SUV39H2: variants seen among roughly 807,000 people sequenced by gnomAD.
The protein encoded by SUV39H2 is histone-lysine N-methyltransferase SUV39H2.
SUV39H2 carries 10 observed loss-of-function variants against 47.5 expected under a neutral mutation model. That is an observed-to-expected ratio of 0.21 (90% CI 0.13 to 0.36). The LOEUF is 0.36. Among genes scored for constraint, SUV39H2 ranks in the 10% least tolerant of loss-of-function variants. The pLI is 1.00. For missense variants in SUV39H2, 266 were observed against 487.4 expected (o/e 0.55, Z 4.28); for synonymous variants, 159 against 166.8 (o/e 0.95, Z 0.36).
chr10:14,882,535 C>G lies in SUV39H2; in HGVS notation c.177+890C>G, dbSNP rs140015879. Among the ~76,000 whole-genome samples the G allele has an allele frequency of 6.6e-3, 1,003 of 152,310 alleles. 5 individuals carry two copies. The highest frequency in any genetic ancestry group is 8.7e-3 in the Non-Finnish European group (590 of 68,018). On this transcript the variant is annotated intron_variant, in intron 2 of 5. Transcript: ENST00000354919. ...TCTCAGTTTACAAGCTATGGACTGACCAGTCCAGCTGAGAATATTATACAA... is the reference window on the plus strand; with the variant it reads ...TCTCAGTTTACAAGCTATGGACTGAGCAGTCCAGCTGAGAATATTATACAA...
At chr10:14,896,471 C>A (rs1197863282) in intron 2 of SUV39H2, among the ~76,000 whole-genome samples, 1 of 152,120 alleles carries the variant, frequency 6.6e-6, no homozygotes, top group East Asian at 1.9e-4. Flanking sequence ...AAGCCACTAA[C>A]CTAGGTCATA....
Position 14,887,404 on chromosome 10 carries a change from A to C in SUV39H2, c.177+5759A>C, listed in dbSNP as rs573177502. Among the ~76,000 whole-genome samples the C allele has an allele frequency of 1.3e-4, 20 of 152,234 alleles. No homozygotes were observed. The East Asian group carries it at 3.3e-3, about 25-fold the overall frequency. On this transcript the variant is annotated intron_variant, in intron 2 of 5. Transcript: ENST00000354919. ...GTTCACCAGGAATACAGGAGTAGGA[A>C]CTAGATTGGGTTTGGGGACCCATTT... is the stretch of plus-strand genomic sequence containing the variant.
At chr10:14,901,287 T>C (rs762872216) in intron 5 of SUV39H2, 25 bp downstream of exon 5, 6 of 1,612,700 alleles carry the variant, frequency 3.7e-6, no homozygotes, top group East Asian at 2.2e-5. Context: ...TACAGTTTCA[T>C]TGGTGTCAGT....
At chr10:14,887,171 A>C (rs1216798738) in intron 2 of SUV39H2, among the ~76,000 whole-genome samples, 2 of 152,202 alleles carry the variant, frequency 1.3e-5, no homozygotes, top group Non-Finnish European at 2.9e-5. Context: ...TAGTAACCAG[A>C]CCAGAAACAA....
Position 14,901,213 on chromosome 10 carries a change from A to C in SUV39H2, c.1077A>C (p.Thr359=). The C allele has an allele frequency of 6.2e-7, 1 of 1,614,100 alleles. No individual in the cohort carries two copies. Among genetic ancestry groups the C allele is most frequent in the Non-Finnish European group, 8.5e-7 (1 of 1,179,980 alleles). Residue 359 remains threonine (T), a synonymous_variant, in exon 5 of 6, where the codon ACA becomes ACC. Transcript: ENST00000354919. ...TTCCCCGAATAGCATTGTTTTCCAC[A>C]AGAACCATAAATGCTGGAGAAGAGC... is the stretch of plus-strand genomic sequence containing the variant. The part of the protein sequence containing the change: ...TRLPRIALFS[T]RTINAGEELT...
intron 3 of SUV39H2, 162 bp from the exon 4 acceptor site, chr10:14,899,377 C>G: frequency 2.6e-6 from 2 of 765,060 alleles, no homozygotes; most frequent in Non-Finnish European, 4.3e-6. Flanking sequence ...ATTTTCCCAC[C>G]TCTTTGCATC....
intron 2 of SUV39H2, among the ~76,000 whole-genome samples, chr10:14,887,636 C>G (rs1304495279): frequency 3.3e-5 from 5 of 152,186 alleles, no homozygotes; most frequent in African/African-American, 1.2e-4. Flanking sequence ...GTTTCCTGTT[C>G]ATGAACTCAG....
intron 2 of SUV39H2, among the ~76,000 whole-genome samples, chr10:14,891,988 GA>G (rs1439400877): frequency 6.6e-6 from 1 of 152,194 alleles, no homozygotes; most frequent in Non-Finnish European, 1.5e-5. Flanking sequence ...TTTTGTTAGA[GA>G]AAAGTCCATC....
rs746384509 is a variant in SUV39H2, at chr10:14,903,743, G to A, written c.*1231G>A. The stretch of plus-strand genomic sequence containing the variant: ...ATGTCTGATTCTGAGATTTCTAATT[G>A]TGTTGTGAAAATGATAAATGCAGCA... On this transcript the variant is annotated 3_prime_UTR_variant, in exon 6 of 6. Transcript: ENST00000354919. 5.3e-5 allele frequency: 8 copies of A among 152,114 alleles called. No individual in the cohort carries two copies. Among genetic ancestry groups the A allele is most frequent in the Non-Finnish European group, 1.2e-4 (8 of 68,018 alleles). 9.4% of individuals were successfully genotyped at this position (152,114 alleles called of 1,614,324 possible).
rs35812740 is a variant in SUV39H2, at chr10:14,894,355, GTTTTTTTTTTTT to G, written c.178-2472_178-2461del. On this transcript the variant is annotated intron_variant, in intron 2 of 5. Transcript: ENST00000354919. Reference sequence around the variant, plus strand: ...TGACCAATTTTCAAAAGAAAGCAAAGTTTTTTTTTTTTTTTTTTTTTTTTTTTTTTGAGACGG... The same window carrying G: ...TGACCAATTTTCAAAAGAAAGCAAAGTTTTTTTTTTTTTTTTTTGAGACGG... Among the ~76,000 whole-genome samples, 76 of 58,092 alleles carry G rather than the reference GTTTTTTTTTTTT, an allele frequency of 1.3e-3. 4 individuals are homozygous for G. The highest frequency in any genetic ancestry group is 1.9e-3 in the Non-Finnish European group (62 of 32,626). 38.1% of individuals were successfully genotyped at this position (58,092 alleles called of 152,430 possible).
intron 2 of SUV39H2, among the ~76,000 whole-genome samples, chr10:14,891,702 T>C (rs908033971): frequency 6.6e-6 from 1 of 152,118 alleles, no homozygotes; most frequent in East Asian, 1.9e-4. Flanking sequence ...CTTGTGTGAG[T>C]AGGTGGACAG....
intron 3 of SUV39H2, chr10:14,898,239 G>T (rs11259380): frequency 2.3e-5 from 2 of 85,674 alleles, no homozygotes; most frequent in Admixed American, 1.7e-4. Context: ...TTGAGAAGTA[G>T]TACTGTTATG....
chr10:14,881,986 C>T (rs1656764283), intron 2 of SUV39H2, among the ~76,000 whole-genome samples: 1 of 152,196 alleles, frequency 6.6e-6, no homozygotes. Flanking sequence ...AATGAACCTA[C>T]CGTTTCAAAC....
chr10:14,901,338 G>C (rs1833990590), intron 5 of SUV39H2, 76 bp downstream of exon 5: 18 of 1,578,962 alleles, frequency 1.1e-5, no homozygotes, highest in Non-Finnish European at 1.5e-5. Flanking sequence ...ACAGACCTTA[G>C]ATATTTGAAC....
At chr10:14,886,415 A>G (rs1338815762) in intron 2 of SUV39H2, among the ~76,000 whole-genome samples, 1 of 152,156 alleles carries the variant, frequency 6.6e-6, no homozygotes, top group East Asian at 1.9e-4. Flanking sequence ...GTCGCACTTT[A>G]TGGTCTTGTT....
chr10:14,899,697 T>C lies in SUV39H2; in HGVS notation c.996+12T>C, dbSNP rs1203267224. 1.2e-6 allele frequency: 2 copies of C among 1,612,680 alleles called. No individual in the cohort carries two copies. Among genetic ancestry groups the C allele is most frequent in the South Asian group, 2.2e-5 (2 of 90,740 alleles). On this transcript the variant is annotated intron_variant, in intron 4 of 5. Transcript: ENST00000354919. Reference sequence around the variant, plus strand: ...TTGTGAATCACAGCGTAAGAAGACATACGTAAATTTTAGACACGACTAACA... The same window carrying C: ...TTGTGAATCACAGCGTAAGAAGACACACGTAAATTTTAGACACGACTAACA...
At chr10:14,896,501 A>G (rs1833620680) in intron 2 of SUV39H2, among the ~76,000 whole-genome samples, 1 of 152,190 alleles carries the variant, frequency 6.6e-6, no homozygotes, top group Non-Finnish European at 1.5e-5. Flanking sequence ...CTTTGGGACC[A>G]TTTATTTCCA....
chr10:14,883,867 A>G (rs1833123551), intron 2 of SUV39H2, among the ~76,000 whole-genome samples: 1 of 152,278 alleles, frequency 6.6e-6, no homozygotes, highest in South Asian at 2.1e-4. Flanking sequence ...CTCCAGCCGT[A>G]GGGCAGCCAC....
At position 14,879,028 on chromosome 10, in the gene SUV39H2, C is replaced by T. The variant is rs565482428; in HGVS notation, c.31+109C>T. The T allele has an allele frequency of 6.1e-6, 8 of 1,318,868 alleles. No individual in the cohort carries two copies. In the South Asian group the frequency reaches 6.5e-5, roughly 11 times the overall value. The allele number at this position is 1,318,868 out of a possible 1,614,324, so 81.7% of individuals were successfully genotyped here. The stretch of plus-strand genomic sequence containing the variant: ...AGCCAGATGGCGACGTGGCGGTTCC[C>T]CGCCCGCCGCGACCCCAACTCCGGG... On this transcript the variant is annotated intron_variant, in intron 1 of 5. Transcript: ENST00000354919.
Sources: allele counts gnomAD v4.1 joint callset (sites outside exome capture counted in the v4.1 genomes callset), GRCh38; gene constraint gnomAD v4.1.1; transcripts MANE v1.5; gene names NCBI Gene and HGNC (gene_info 2026-07-23, HGNC 2026-07-21).